The following STPG2 variants were observed in gnomAD, a reference collection of about 807,000 sequenced individuals.
The protein encoded by STPG2 is sperm tail PG-rich repeat containing 2.
STPG2 carries 56 observed loss-of-function variants against 54.2 expected under a neutral mutation model. The observed-to-expected ratio is 1.03, with a 90% CI of 0.83 to 1.29. The LOEUF is 1.29. Among genes scored for constraint, STPG2 ranks in the 50% most tolerant of loss-of-function variants. The pLI is 0.00. For missense variants in STPG2, 596 were observed against 544.9 expected (o/e 1.09, Z -0.93); for synonymous variants, 200 against 181.8 (o/e 1.10, Z -0.81).
At chr4:97,843,150 A>T (rs756828234) in intron 8 of STPG2, among the ~76,000 whole-genome samples, 2 of 151,808 alleles carry the variant, frequency 1.3e-5, no homozygotes, top group Non-Finnish European at 2.9e-5. Context: ...TGGATATAAT[A>T]GACATTTCTC....
At chr4:97,703,524 C>T (rs1360495968) in intron 10 of STPG2, among the ~76,000 whole-genome samples, 1 of 134,992 alleles carries the variant, frequency 7.4e-6, no homozygotes, top group Non-Finnish European at 1.5e-5. Context: ...AGACTATATA[C>T]TATATATAAG....
chr4:97,613,845 C>T (rs1560685873), intron 10 of STPG2, among the ~76,000 whole-genome samples: 1 of 151,850 alleles, frequency 6.6e-6, no homozygotes, highest in East Asian at 1.9e-4. Context: ...ATGTAAGATG[C>T]TCTAGATTCA....
chr4:97,813,675 CTTAAAAAAAAAAA>C (rs1421628036), intron 9 of STPG2, among the ~76,000 whole-genome samples: 3 of 36,546 alleles, frequency 8.2e-5, no homozygotes, highest in African/African-American at 3.3e-4. Context: ...GACCCTGTCT[CTTAAAAAAAAAAA>C]AAAAAAAAAA....
chr4:97,890,065 T>C (rs1449102840), intron 8 of STPG2, among the ~76,000 whole-genome samples: 1 of 152,128 alleles, frequency 6.6e-6, no homozygotes, highest in Non-Finnish European at 1.5e-5. Context: ...GGTGGCATAA[T>C]TCTCAAAAGA....
intron 9 of STPG2, among the ~76,000 whole-genome samples, chr4:97,736,670 A>G (rs1725009858): frequency 6.6e-6 from 1 of 152,182 alleles, no homozygotes. Context: ...GGCACCTGTC[A>G]TTGCCCAGGC....
intron 10 of STPG2, among the ~76,000 whole-genome samples, chr4:97,641,489 T>C (rs921573979): frequency 6.6e-6 from 1 of 151,516 alleles, no homozygotes; most frequent in Admixed American, 6.6e-5. Flanking sequence ...AGTTCTATTT[T>C]AGTTATTTCT....
intron 8 of STPG2, among the ~76,000 whole-genome samples, chr4:97,888,940 C>T (rs981995404): frequency 6.6e-5 from 10 of 152,122 alleles, no homozygotes; most frequent in Admixed American, 2.0e-4. Context: ...GCACCTCCCT[C>T]CACTCCTTCC....
intron 10 of STPG2, among the ~76,000 whole-genome samples, chr4:97,682,528 T>G (rs1723066652): frequency 6.6e-6 from 1 of 151,816 alleles, no homozygotes; most frequent in South Asian, 2.1e-4. Context: ...CTATTTGCAG[T>G]TTTTGACCCA....
chr4:97,466,702 C>T (rs1459947489), intron 4 of STPG2, among the ~76,000 whole-genome samples: 1 of 151,806 alleles, frequency 6.6e-6, no homozygotes, highest in Non-Finnish European at 1.5e-5. Flanking sequence ...CAGAGTTTAA[C>T]AAAATCATCC....
intron 5 of STPG2, among the ~76,000 whole-genome samples, chr4:97,984,438 C>G (rs1369931438): frequency 6.6e-6 from 1 of 152,180 alleles, no homozygotes; most frequent in African/African-American, 2.4e-5. Flanking sequence ...AACCACCGCA[C>G]CCGCCCTGTT....
chr4:98,034,588 G>GA (rs1736710034), intron 5 of STPG2, among the ~76,000 whole-genome samples: 2 of 152,066 alleles, frequency 1.3e-5, no homozygotes, highest in Non-Finnish European at 2.9e-5. Flanking sequence ...CACAGAACTG[G>GA]AAAAAACTAC....
intron 10 of STPG2, chr4:97,633,917 G>C (rs1560694862): frequency 6.5e-6 from 1 of 154,506 alleles, no homozygotes; most frequent in Non-Finnish European, 1.4e-5. Flanking sequence ...GCTGGGGGAG[G>C]GGCGCCCACC....
chr4:97,537,927 C>T (rs1443351629), intron 4 of STPG2, among the ~76,000 whole-genome samples: 4 of 152,176 alleles, frequency 2.6e-5, no homozygotes, highest in Admixed American at 2.6e-4. Flanking sequence ...GATACCCAGG[C>T]AAACAGGGTC....
intron 5 of STPG2, among the ~76,000 whole-genome samples, chr4:98,089,432 T>A (rs1436308456): frequency 6.6e-6 from 1 of 152,096 alleles, no homozygotes; most frequent in East Asian, 1.9e-4. Flanking sequence ...TATATCAGAT[T>A]TTCTTTGTCC....
At chr4:98,064,498 A>G (rs1047811831) in intron 5 of STPG2, among the ~76,000 whole-genome samples, 2 of 152,344 alleles carry the variant, frequency 1.3e-5, no homozygotes, top group Admixed American at 1.3e-4. Context: ...GTAACAAACT[A>G]TATTTAAGAT....
At chr4:98,032,646 C>A (rs1294847902) in intron 5 of STPG2, among the ~76,000 whole-genome samples, 2 of 152,146 alleles carry the variant, frequency 1.3e-5, no homozygotes, top group Non-Finnish European at 2.9e-5. Context: ...ATACATTTTT[C>A]TCAGCACCAC....
At chr4:98,026,343 T>TGTTA in intron 5 of STPG2, 1 of 502,882 alleles carries the variant, frequency 2.0e-6, no homozygotes, top group Non-Finnish European at 3.6e-6. Flanking sequence ...GAGTGTACCG[T>TGTTA]GTTAGTTACC....
chr4:97,840,913 C>T lies in STPG2; in HGVS notation c.1064G>A (p.Ser355Asn), dbSNP rs748340299. The change falls in exon 9 of 11, where the codon AGC becomes AAC. Residue 355 changes from serine to asparagine, a missense_variant. Coordinates refer to ENST00000295268, the MANE Select transcript of STPG2 (RefSeq NM_174952.3). ...VPDMVIPAPG[S>N]YDVHKSYEMS... ...CTCATATGATTTGTGAACATCATAG[C>T]TGCCTGGCGCTGGAATAACCTGAAA... 10 of 1,611,046 alleles carry T rather than the reference C, an allele frequency of 6.2e-6. No individual in the cohort carries two copies. Among genetic ancestry groups the T allele is most frequent in the Middle Eastern group, 1.6e-4 (1 of 6,072 alleles).
chr4:97,731,856 G>A (rs1233294661), intron 9 of STPG2, among the ~76,000 whole-genome samples: 1 of 152,182 alleles, frequency 6.6e-6, no homozygotes, highest in Non-Finnish European at 1.5e-5. Context: ...GGGGGTTTGG[G>A]ACCAGACCTG....
Sources: allele counts gnomAD v4.1 joint callset (sites outside exome capture counted in the v4.1 genomes callset), GRCh38; gene constraint gnomAD v4.1.1; transcripts MANE v1.5; gene names NCBI Gene and HGNC (gene_info 2026-07-23, HGNC 2026-07-21).